The following NT5DC1 variants were observed in gnomAD, a reference collection of about 807,000 sequenced individuals.
NT5DC1 encodes the protein 5'-nucleotidase domain containing 1.
In NT5DC1, 42 loss-of-function variants were observed where a neutral mutation model predicts 59.4. The ratio of observed to expected loss-of-function variants is 0.71; its 90% confidence interval spans 0.55 to 0.92. The LOEUF (loss-of-function observed/expected upper bound fraction) is 0.92, where lower values mean the gene tolerates loss of function less well. Among genes scored for constraint, NT5DC1 ranks in the 40% least tolerant of loss-of-function variants. The pLI is 0.00. For synonymous variants in NT5DC1, 172 were observed against 188.1 expected, an observed-to-expected ratio of 0.91 and a Z score of 0.70; for missense variants, 501 against 537.1, an observed-to-expected ratio of 0.93 and a Z score of 0.66.
intron 6 of NT5DC1, among the ~76,000 whole-genome samples, chr6:116,144,422 A>G (rs1779844520): frequency 6.6e-6 from 1 of 150,896 alleles, no homozygotes; most frequent in Non-Finnish European, 1.5e-5. Flanking sequence ...AATCTCTTGA[A>G]CCCAGGAGGC....
rs186461359 is a variant in NT5DC1, at chr6:116,200,023, G to A, written c.530-21031G>A. ...GTGGGGGGGGAAGAGTAACTTTGCA[G>A]TGGGGCAACCTGACAAATACTGTCC... is the stretch of plus-strand genomic sequence containing the variant. On this transcript the variant is annotated intron_variant, in intron 6 of 11. Coordinates refer to ENST00000319550, the MANE Select transcript of NT5DC1 (RefSeq NM_152729.3). Among the ~76,000 whole-genome samples, 1,382 of 151,260 alleles carry A rather than the reference G, an allele frequency of 9.1e-3. 22 individuals are homozygous for A. Among genetic ancestry groups the A allele is most frequent in the African/African-American group, 0.032 (1,302 of 40,864 alleles).
chr6:116,126,227 C>T (rs1217208593), intron 6 of NT5DC1: 1 of 152,170 alleles, frequency 6.6e-6, no homozygotes, highest in Non-Finnish European at 1.5e-5. Context: ...AGTTGGTAAG[C>T]ACTAATTATG....
intron 11 of NT5DC1, among the ~76,000 whole-genome samples, chr6:116,239,850 A>C (rs868783256): frequency 6.6e-6 from 1 of 152,246 alleles, no homozygotes; most frequent in Non-Finnish European, 1.5e-5. Context: ...GACCACACTA[A>C]CAGAAATAAC....
At chr6:116,207,703 A>T (rs17077672) in intron 6 of NT5DC1, among the ~76,000 whole-genome samples, 1 of 151,892 alleles carries the variant, frequency 6.6e-6, no homozygotes, top group African/African-American at 2.4e-5. Flanking sequence ...CCCTGCTTAG[A>T]GTAGAATATT....
In NT5DC1 at chr6:116,247,506, A is replaced by G. The variant is rs1253114674; in HGVS notation, c.*3482A>G. 2.6e-5 allele frequency: 4 copies of G among 151,864 alleles called. No homozygotes were observed. The highest frequency in any genetic ancestry group is 4.8e-5 in the African/African-American group (2 of 41,328). The allele number at this position is 151,864 out of a possible 1,614,324, so 9.4% of individuals were successfully genotyped here. A position where few individuals can be genotyped will look rare whatever the true frequency, so the allele number is the denominator to read the frequency against. ...CCAAAATGGGGAAGGAGTGATGAAA[A>G]CTCATCTTTGAGTAAGCTTAGTGGG... On this transcript the variant is annotated 3_prime_UTR_variant, in exon 12 of 12. Coordinates refer to ENST00000319550, the MANE Select transcript of NT5DC1 (RefSeq NM_152729.3).
At chr6:116,143,128 C>G (rs1779806643) in intron 6 of NT5DC1, among the ~76,000 whole-genome samples, 1 of 152,080 alleles carries the variant, frequency 6.6e-6, no homozygotes, top group Admixed American at 6.5e-5. Context: ...ATAAATTTGC[C>G]TCTGGCATAG....
chr6:116,105,757 G>T (rs1778754511), intron 1 of NT5DC1, among the ~76,000 whole-genome samples: 1 of 151,660 alleles, frequency 6.6e-6, no homozygotes. Flanking sequence ...GTGTATGTGT[G>T]TGTGGAGAAA....
At chr6:116,168,362 G>A (rs551037278) in intron 6 of NT5DC1, among the ~76,000 whole-genome samples, 42 of 151,560 alleles carry the variant, frequency 2.8e-4, no homozygotes, top group South Asian at 8.3e-4. Flanking sequence ...CTTCAGTTGC[G>A]TCTAATCTGC....
intron 6 of NT5DC1, chr6:116,125,630 A>G: frequency 1.3e-6 from 1 of 773,904 alleles, no homozygotes; most frequent in South Asian, 1.8e-5. Context: ...ATATATTTTT[A>G]ATATGTGCCA....
chr6:116,155,469 C>T (rs1027838706), intron 6 of NT5DC1, among the ~76,000 whole-genome samples: 4 of 151,978 alleles, frequency 2.6e-5, no homozygotes, highest in African/African-American at 4.8e-5. Flanking sequence ...GGCCTAAAAT[C>T]GTATTTTAAG....
intron 6 of NT5DC1, among the ~76,000 whole-genome samples, chr6:116,183,843 C>T (rs186257674): frequency 8.9e-4 from 135 of 151,970 alleles, no homozygotes; most frequent in African/African-American, 3.2e-3. Flanking sequence ...ATGTCATCAG[C>T]AGAAGCAACA....
intron 8 of NT5DC1, among the ~76,000 whole-genome samples, chr6:116,229,186 A>G (rs914916414): frequency 1.3e-5 from 2 of 152,078 alleles, no homozygotes; most frequent in Non-Finnish European, 2.9e-5. Flanking sequence ...AAAAACCACA[A>G]TTACTTTTGC....
At chr6:116,171,155 A>G (rs1780596391) in intron 6 of NT5DC1, among the ~76,000 whole-genome samples, 1 of 152,132 alleles carries the variant, frequency 6.6e-6, no homozygotes, top group Non-Finnish European at 1.5e-5. Context: ...TGTTGAATAA[A>G]TGAATATATG....
rs750815213 is a variant in NT5DC1 at position 116,110,928 on chromosome 6, G to T, written c.336G>T (p.Leu112Phe). ...GCAAGAAAGAGTGGAAGCACTTCTT[G>T]TCGGACACTGGAATGGCTTGCCGCT... is the stretch of plus-strand genomic sequence containing the variant. ...AYGKKEWKHFLSDTGMACRSG... is the reference protein window; with the variant it reads ...AYGKKEWKHFFSDTGMACRSG... The change falls in exon 4 of 12, where the codon TTG becomes TTT. Residue 112 changes from leucine to phenylalanine, a missense_variant. By Grantham distance (22) the Leu-to-Phe change is conservative. Transcript: ENST00000319550. 9.9e-6 allele frequency: 16 copies of T among 1,613,362 alleles called. No homozygotes were observed. In the Admixed American group the frequency reaches 2.5e-4, roughly 25 times the overall value.
chr6:116,239,252 A>T lies in NT5DC1; in HGVS notation c.1252+129A>T, dbSNP rs527550211. On this transcript the variant is annotated intron_variant, in intron 11 of 11. Coordinates refer to ENST00000319550, the MANE Select transcript of NT5DC1 (RefSeq NM_152729.3). The stretch of plus-strand genomic sequence containing the variant: ...TTATCTTTGGGGAAAAATCTTCTAG[A>T]TATGGAACCTAGGTAATTAGGACCA... 1.2e-4 allele frequency: 83 copies of T among 707,414 alleles called. 1 individual carries two copies. Among genetic ancestry groups the T allele is most frequent in the Non-Finnish European group, 1.8e-4 (80 of 433,202 alleles). 43.8% of individuals were successfully genotyped at this position (707,414 alleles called of 1,614,324 possible). A position where few individuals can be genotyped will look rare whatever the true frequency, so the allele number is the denominator to read the frequency against.
At chr6:116,133,748 C>T (rs1299268632) in intron 6 of NT5DC1, among the ~76,000 whole-genome samples, 1 of 152,212 alleles carries the variant, frequency 6.6e-6, no homozygotes, top group African/African-American at 2.4e-5. Context: ...CCTGCCATCC[C>T]TGGTTCCTGC....
intron 6 of NT5DC1, among the ~76,000 whole-genome samples, chr6:116,158,219 A>G (rs188061961): frequency 3.2e-4 from 48 of 151,952 alleles, no homozygotes; most frequent in African/African-American, 1.1e-3. Context: ...TAGTATTACA[A>G]GTGAGTGTAG....
At chr6:116,141,940 A>G (rs184120468) in intron 6 of NT5DC1, among the ~76,000 whole-genome samples, 1 of 151,004 alleles carries the variant, frequency 6.6e-6, no homozygotes, top group Non-Finnish European at 1.5e-5. Flanking sequence ...TAAATGTGAG[A>G]TGTTCCTAGT....
intron 6 of NT5DC1, among the ~76,000 whole-genome samples, chr6:116,176,762 A>T (rs369747644): frequency 1.3e-5 from 2 of 152,238 alleles, no homozygotes; most frequent in African/African-American, 4.8e-5. Flanking sequence ...CTGAGGAAGC[A>T]GGTAGCACCG....
Sources: gnomAD v4.1 joint callset for allele counts (sites outside exome capture counted in the v4.1 genomes callset) on GRCh38, gnomAD v4.1.1 for gene constraint, MANE v1.5 for transcripts, NCBI Gene and HGNC (gene_info 2026-07-23, HGNC 2026-07-21) for gene names.